LARGE1: variants seen among roughly 807,000 people sequenced by gnomAD.
LARGE1 encodes LARGE xylosyl- and glucuronyltransferase 1, also known as xylosyl- and glucuronyltransferase LARGE1.
Under a neutral mutation model 87.6 loss-of-function variants are expected in LARGE1, and 43 were observed. The observed-to-expected ratio is 0.49, with a 90% CI of 0.38 to 0.63. The LOEUF is 0.63. Among genes scored for constraint, LARGE1 ranks in the 30% least tolerant of loss-of-function variants. The probability of loss-of-function intolerance (pLI) is 0.00; values close to 1 mark genes in which losing one functional copy is unlikely to be tolerated. For synonymous variants in LARGE1, 434 were observed against 394.6 expected, an observed-to-expected ratio of 1.10 and a Z score of -1.18; for missense variants, 802 against 1,000.2, an observed-to-expected ratio of 0.80 and a Z score of 2.67.
At chr22:33,514,468 T>C (rs1312305359) in intron 6 of LARGE1, among the ~76,000 whole-genome samples, 1 of 151,978 alleles carries the variant, frequency 6.6e-6, no homozygotes, top group Admixed American at 6.5e-5. Flanking sequence ...GAAAAAACAA[T>C]GAAAATAAAA....
chr22:33,803,884 C>T (rs774307040), intron 1 of LARGE1, among the ~76,000 whole-genome samples: 23 of 152,198 alleles, frequency 1.5e-4, no homozygotes, highest in Non-Finnish European at 3.1e-4. Flanking sequence ...TTTGCATCAA[C>T]AGTTTAAGCA....
intron 2 of LARGE1, among the ~76,000 whole-genome samples, chr22:33,711,340 G>A (rs1334586110): frequency 6.6e-6 from 1 of 152,178 alleles, no homozygotes; most frequent in African/African-American, 2.4e-5. Flanking sequence ...CTCTTTCAAG[G>A]GTTCTAACCC....
At chr22:33,433,683 C>T (rs1440374668) in intron 6 of LARGE1, among the ~76,000 whole-genome samples, 1 of 151,312 alleles carries the variant, frequency 6.6e-6, no homozygotes, top group Non-Finnish European at 1.5e-5. Context: ...AGTCACACAC[C>T]TAACAATGAC....
At chr22:33,574,229 C>T (rs2148835421) in intron 5 of LARGE1, among the ~76,000 whole-genome samples, 1 of 152,212 alleles carries the variant, frequency 6.6e-6, no homozygotes, top group East Asian at 1.9e-4. Flanking sequence ...TTATTAGTTA[C>T]ATGACCCCTT....
chr22:33,299,848 C>T (rs915804803), intron 12 of LARGE1, among the ~76,000 whole-genome samples: 1 of 152,220 alleles, frequency 6.6e-6, no homozygotes, highest in Non-Finnish European at 1.5e-5. Flanking sequence ...AAAGTGAAAG[C>T]TGTACATCCA....
intron 1 of LARGE1, among the ~76,000 whole-genome samples, chr22:33,780,113 C>T (rs767849686): frequency 6.6e-6 from 1 of 152,222 alleles, no homozygotes; most frequent in Non-Finnish European, 1.5e-5. Flanking sequence ...ACAACTCCAA[C>T]CTTCACGCGA....
chr22:33,507,913 A>T (rs913071548), intron 6 of LARGE1, among the ~76,000 whole-genome samples: 10 of 152,252 alleles, frequency 6.6e-5, no homozygotes, highest in African/African-American at 2.4e-4. Flanking sequence ...TTTAACAGCA[A>T]TCACCTTCTG....
chr22:33,448,530 G>A (rs2067782414), intron 6 of LARGE1, among the ~76,000 whole-genome samples: 1 of 152,130 alleles, frequency 6.6e-6, no homozygotes, highest in South Asian at 2.1e-4. Context: ...AGTCTTCAGA[G>A]CTCTGCTGCT....
chr22:33,734,428 G>T (rs527852770), intron 2 of LARGE1, among the ~76,000 whole-genome samples: 1 of 152,192 alleles, frequency 6.6e-6, no homozygotes, highest in Non-Finnish European at 1.5e-5. Flanking sequence ...GGGGGAGCTG[G>T]TGCAGAGGTG....
At chr22:33,599,803 G>A (rs1381787961) in intron 5 of LARGE1, among the ~76,000 whole-genome samples, 6 of 152,192 alleles carry the variant, frequency 3.9e-5, no homozygotes, top group Non-Finnish European at 7.3e-5. Flanking sequence ...TCTGCTGAGG[G>A]TACCATCTGA....
chr22:33,694,599 C>T (rs2082188850), intron 2 of LARGE1, among the ~76,000 whole-genome samples: 1 of 152,104 alleles, frequency 6.6e-6, no homozygotes, highest in Non-Finnish European at 1.5e-5. Flanking sequence ...CCACCATCTT[C>T]AACTTTTTGG....
chr22:33,507,099 C>T (rs1040481361), intron 6 of LARGE1, among the ~76,000 whole-genome samples: 4 of 152,154 alleles, frequency 2.6e-5, no homozygotes, highest in Admixed American at 2.6e-4. Flanking sequence ...TCCAAGTAAA[C>T]ACCCCCCAAC....
chr22:33,482,896 C>T (rs1384086051), intron 6 of LARGE1, among the ~76,000 whole-genome samples: 2 of 152,122 alleles, frequency 1.3e-5, no homozygotes, highest in Non-Finnish European at 2.9e-5. Context: ...GCACTTGAGG[C>T]AGCTCCAGGA....
At chr22:33,556,530 G>GGGAA (rs1569266681) in intron 6 of LARGE1, among the ~76,000 whole-genome samples, 13 of 80,172 alleles carry the variant, frequency 1.6e-4, no homozygotes, top group African/African-American at 5.3e-4. Context: ...GAGGGAGGGA[G>GGGAA]GGAGGGAAGG....
intron 6 of LARGE1, among the ~76,000 whole-genome samples, chr22:33,472,041 C>T (rs548169683): frequency 1.3e-5 from 2 of 152,148 alleles, no homozygotes; most frequent in Admixed American, 6.5e-5. Context: ...CACAGTGAGA[C>T]TCTGACTCAA....
At chr22:33,093,963 G>T in the LARGE1 span, among the ~76,000 whole-genome samples, 1 of 151,434 alleles carries the variant, frequency 6.6e-6, no homozygotes, top group Admixed American at 6.6e-5. Context: ...TGTTGGTCAG[G>T]CTCGTCTCAA....
chr22:33,650,358 G>A lies in LARGE1; in HGVS notation c.408+9C>T. 1 of 1,614,012 alleles carries A rather than the reference G, an allele frequency of 6.2e-7. No homozygotes were observed. Among genetic ancestry groups the A allele is most frequent in the Non-Finnish European group, 8.5e-7 (1 of 1,180,028 alleles). On this transcript the variant is annotated intron_variant, in intron 3 of 14. Coordinates refer to ENST00000397394, the MANE Select transcript of LARGE1 (RefSeq NM_133642.5). ...ACAACTTCCTCCCCAGGCTCCAGAT[G>A]CCCTTTACCTCGCATTTCTCCACGA... is the stretch of plus-strand genomic sequence containing the variant.
chr22:33,546,843 C>T lies in LARGE1; in HGVS notation c.787+18005G>A, dbSNP rs565395924. On this transcript the variant is annotated intron_variant, in intron 6 of 14. Coordinates refer to ENST00000397394, the MANE Select transcript of LARGE1 (RefSeq NM_133642.5). ...AGGTTATCCGCCCACCTTGGCCTCC[C>T]AAAGTGCTGGGATTACAGGCGTGAA... 3.0e-3 allele frequency among the ~76,000 whole-genome samples: 459 copies of T among 152,250 alleles called. 2 individuals carry two copies. The highest frequency in any genetic ancestry group is 0.01 in the African/African-American group (429 of 41,536).
the LARGE1 span, among the ~76,000 whole-genome samples, chr22:33,113,566 T>C: frequency 6.6e-6 from 1 of 152,216 alleles, no homozygotes; most frequent in Non-Finnish European, 1.5e-5. Flanking sequence ...CTACAACTAA[T>C]GAGCCCAAGA....
Sources: gnomAD v4.1 joint callset for allele counts (sites outside exome capture counted in the v4.1 genomes callset) on GRCh38, gnomAD v4.1.1 for gene constraint, MANE v1.5 for transcripts, NCBI Gene and HGNC (gene_info 2026-07-23, HGNC 2026-07-21) for gene names.